Variants in POU6F2 observed in about 807,000 individuals in gnomAD.
The protein encoded by POU6F2 is POU domain, class 6, transcription factor 2.
A neutral mutation model predicts 71.3 loss-of-function variants in POU6F2; 31 were observed. The observed-to-expected ratio is 0.43, with a 90% CI of 0.33 to 0.59. The LOEUF is 0.59. POU6F2 is among the 20% of genes least tolerant of loss of function. POU6F2 has a pLI of 0.04. For synonymous variants in POU6F2, 347 were observed against 355.7 expected (o/e 0.98, Z 0.27); for missense variants, 783 against 856.8 (o/e 0.91, Z 1.07).
intron 4 of POU6F2, among the ~76,000 whole-genome samples, chr7:39,277,218 C>A (rs2128758461): frequency 6.6e-6 from 1 of 152,188 alleles, no homozygotes; most frequent in Middle Eastern, 3.4e-3. Flanking sequence ...ACTAATAAAT[C>A]AATATAATCA....
At chr7:39,217,891 G>T (rs1478356687) in intron 4 of POU6F2, among the ~76,000 whole-genome samples, 1 of 152,154 alleles carries the variant, frequency 6.6e-6, no homozygotes, top group African/African-American at 2.4e-5. Flanking sequence ...CATGAATGAG[G>T]AGTATGACTA....
intron 2 of POU6F2, among the ~76,000 whole-genome samples, chr7:39,166,709 C>T (rs1216764107): frequency 2.0e-5 from 3 of 152,138 alleles, no homozygotes; most frequent in African/African-American, 7.2e-5. Flanking sequence ...CTTGTTTATC[C>T]TGTTTACCTT....
At position 39,464,417 on chromosome 7, in the gene POU6F2, G is replaced by A. The variant is rs768477531; in HGVS notation, c.1894G>A (p.Glu632Lys). 1.2e-6 allele frequency: 2 copies of A among 1,613,996 alleles called. No homozygotes were observed. Among genetic ancestry groups the A allele is most frequent in the South Asian group, 2.2e-5 (2 of 91,076 alleles). ...MQNLTEFIGS[E>K]PSKKRKRRTS... ...GAACCTGACCGAGTTTATCGGGAGT[G>A]AACCATCCAAAAAGCGCAAGCGGCG... The change falls in exon 10 of 10, where the codon GAA becomes AAA. Residue 632 changes from glutamate to lysine, a missense_variant. Coordinates refer to ENST00000518318, the MANE Select transcript of POU6F2 (RefSeq NM_001370959.1). The surrounding 1 kb of genome is among the most constrained non-coding windows in gnomAD (Gnocchi z 4.1).
intron 9 of POU6F2, among the ~76,000 whole-genome samples, chr7:39,462,289 T>C (rs1788968973): frequency 6.6e-6 from 1 of 152,234 alleles, no homozygotes; most frequent in South Asian, 2.1e-4. Flanking sequence ...GGCCTTTCTC[T>C]AGCTTCCAGT....
rs544740737 is a variant in POU6F2 at position 39,423,721 on chromosome 7, T to C, written c.1114-9356T>C. ...AAGCAATACATTTCCCAGGAGAAGA[T>C]AGGCATGAAACAAAATGGCAAGTTC... is the stretch of plus-strand genomic sequence containing the variant. On this transcript the variant is annotated intron_variant, in intron 6 of 9. Coordinates refer to ENST00000518318, the MANE Select transcript of POU6F2 (RefSeq NM_001370959.1). 8.5e-5 allele frequency among the ~76,000 whole-genome samples: 13 copies of C among 152,324 alleles called. No homozygotes were observed. In the South Asian group the frequency reaches 2.7e-3, roughly 32 times the overall value.
At chr7:38,997,692 C>T (rs978553546) in intron 1 of POU6F2, among the ~76,000 whole-genome samples, 2 of 152,188 alleles carry the variant, frequency 1.3e-5, no homozygotes, top group African/African-American at 4.8e-5. Flanking sequence ...TTCATTCACC[C>T]AACAAATGCT....
intron 2 of POU6F2, among the ~76,000 whole-genome samples, chr7:39,177,994 G>A (rs1023682397): frequency 1.3e-5 from 2 of 152,042 alleles, no homozygotes; most frequent in Admixed American, 1.3e-4. Flanking sequence ...GGTGGATCAC[G>A]CCTGTAATCA....
chr7:39,040,472 TAGTC>T (rs1285127668), intron 1 of POU6F2, among the ~76,000 whole-genome samples: 1 of 151,536 alleles, frequency 6.6e-6, no homozygotes, highest in Non-Finnish European at 1.5e-5. Flanking sequence ...CCTAAGGAAA[TAGTC>T]AGAAATGGAA....
chr7:39,193,217 G>A (rs1793706912), intron 2 of POU6F2, among the ~76,000 whole-genome samples: 1 of 152,046 alleles, frequency 6.6e-6, no homozygotes, highest in South Asian at 2.1e-4. Flanking sequence ...AAAGACGATT[G>A]CGGGGGGTGC....
intron 6 of POU6F2, among the ~76,000 whole-genome samples, chr7:39,431,896 C>T (rs949404495): frequency 6.6e-6 from 1 of 152,202 alleles, no homozygotes; most frequent in African/African-American, 2.4e-5. Flanking sequence ...CAGATTTCAC[C>T]TCTGAGAGCC....
intron 5 of POU6F2, among the ~76,000 whole-genome samples, chr7:39,370,103 T>C (rs939038339): frequency 6.6e-6 from 1 of 152,194 alleles, no homozygotes; most frequent in Non-Finnish European, 1.5e-5. Context: ...ATTGACTTTA[T>C]TGTGGTAGTC....
intron 1 of POU6F2, among the ~76,000 whole-genome samples, chr7:39,068,863 A>C (rs994580808): frequency 3.3e-5 from 5 of 152,148 alleles, no homozygotes; most frequent in African/African-American, 1.2e-4. Context: ...GCATTCATAA[A>C]AATTTTCCAA....
chr7:39,190,364 G>C (rs1463523251), intron 2 of POU6F2, among the ~76,000 whole-genome samples: 1 of 123,484 alleles, frequency 8.1e-6, no homozygotes, highest in Non-Finnish European at 1.6e-5. Context: ...ACAAGAACTT[G>C]ACCAGCCTCA....
chr7:39,103,687 G>T (rs959787490), intron 2 of POU6F2, among the ~76,000 whole-genome samples: 8 of 152,102 alleles, frequency 5.3e-5, no homozygotes, highest in African/African-American at 1.9e-4. Flanking sequence ...TTTTCTCTCT[G>T]TTTCTAGTTT....
Position 39,454,676 on chromosome 7 carries a change from ATATATATATATATATATATATATATAT to A in POU6F2, c.1489+2976_1489+3002del, listed in dbSNP as rs1788747309. Among the ~76,000 whole-genome samples, 22 of 5,364 alleles carry A rather than the reference ATATATATATATATATATATATATATAT, an allele frequency of 4.1e-3. 1 individual carries two copies. Among genetic ancestry groups the A allele is most frequent in the Admixed American group, 0.015 (8 of 546 alleles). The allele number at this position is 5,364 out of a possible 152,430, so 3.5% of individuals were successfully genotyped here. A position where few individuals can be genotyped will look rare whatever the true frequency, so the allele number is the denominator to read the frequency against. ...CAGGGATATATATATATATATATAT[ATATATATATATATATATATATATATAT>A]ATATATATATATATATATATATATA... On this transcript the variant is annotated intron_variant, in intron 8 of 9. Coordinates refer to ENST00000518318, the MANE Select transcript of POU6F2 (RefSeq NM_001370959.1).
chr7:39,460,429 G>A lies in POU6F2; in HGVS notation c.1490-118G>A. 1 of 1,119,350 alleles carries A rather than the reference G, an allele frequency of 8.9e-7. No homozygotes were observed. Among genetic ancestry groups the A allele is most frequent in the Non-Finnish European group, 1.3e-6 (1 of 780,762 alleles). 69.3% of individuals were successfully genotyped at this position (1,119,350 alleles called of 1,614,324 possible). On this transcript the variant is annotated intron_variant, in intron 8 of 9. Coordinates refer to ENST00000518318, the MANE Select transcript of POU6F2 (RefSeq NM_001370959.1). The surrounding 1 kb of genome is among the most constrained non-coding windows in gnomAD (Gnocchi z 4.4). ...GGAGACAAAGCGAACATTCTCTGAGGTTGGTTTCCTCACTGCTCTGCTGTT... is the reference window on the plus strand; with the variant it reads ...GGAGACAAAGCGAACATTCTCTGAGATTGGTTTCCTCACTGCTCTGCTGTT...
intron 1 of POU6F2, among the ~76,000 whole-genome samples, chr7:39,004,731 A>C (rs1339248744): frequency 6.6e-6 from 1 of 152,210 alleles, no homozygotes; most frequent in Admixed American, 6.5e-5. Flanking sequence ...AAATAGGAGA[A>C]GTAGTTGTAT....
chr7:38,980,613 T>A, intron 1 of POU6F2, among the ~76,000 whole-genome samples: 1 of 152,220 alleles, frequency 6.6e-6, no homozygotes, highest in African/African-American at 2.4e-5. Context: ...TCGTCTTATA[T>A]CTACTCAGCA....
chr7:39,045,430 T>C (rs531694258), intron 1 of POU6F2, among the ~76,000 whole-genome samples: 2 of 152,050 alleles, frequency 1.3e-5, no homozygotes, highest in Middle Eastern at 6.8e-3. Context: ...CACATTGCCA[T>C]TCGTAGACTT....
Sources: gnomAD v4.1 joint callset for allele counts (sites outside exome capture counted in the v4.1 genomes callset) on GRCh38, gnomAD v4.1.1 for gene constraint, Gnocchi (gnomAD v3.1) non-coding constraint, MANE v1.5 for transcripts, NCBI Gene and HGNC (gene_info 2026-07-23, HGNC 2026-07-21) for gene names.